The following NHLRC2 variants were observed in gnomAD, a reference collection of about 807,000 sequenced individuals.
NHLRC2 encodes NHL repeat containing 2, also known as NHL repeat-containing protein 2.
Under a neutral mutation model 68.1 loss-of-function variants are expected in NHLRC2, and 33 were observed. That is an observed-to-expected ratio of 0.48 (90% CI 0.37 to 0.65). The LOEUF is 0.65. Among genes scored for constraint, NHLRC2 ranks in the 30% least tolerant of loss-of-function variants. The probability of loss-of-function intolerance (pLI) is 0.00; values close to 1 mark genes in which losing one functional copy is unlikely to be tolerated. For missense variants in NHLRC2, 761 were observed against 853.8 expected (o/e 0.89, Z 1.35); for synonymous variants, 311 against 309.6 (o/e 1.00, Z -0.05).
chr10:113,884,135 C>A, intron 4 of NHLRC2, 116 bp from the exon 5 acceptor site: 1 of 810,912 alleles, frequency 1.2e-6, no homozygotes, highest in Non-Finnish European at 1.9e-6. Flanking sequence ...CATAATAAAA[C>A]TTTGTACTGC....
At chr10:113,860,219 G>A (rs1190780244) in intron 2 of NHLRC2, among the ~76,000 whole-genome samples, 1 of 152,016 alleles carries the variant, frequency 6.6e-6, no homozygotes, top group Non-Finnish European at 1.5e-5. Flanking sequence ...ATTACACATG[G>A]AGTTAAGAAT....
rs1211619907 is a variant in NHLRC2 at position 113,902,609 on chromosome 10, A to G, written c.1494+16A>G. 6.3e-7 allele frequency: 1 copy of G among 1,594,176 alleles called. No homozygotes were observed. Among genetic ancestry groups the G allele is most frequent in the Non-Finnish European group, 8.5e-7 (1 of 1,173,354 alleles). Reference sequence around the variant, plus strand: ...CAATCACAAGGTGAGTCGTGACAGAATTATATAATATCTTGCTTTTTGTGT... The same window carrying G: ...CAATCACAAGGTGAGTCGTGACAGAGTTATATAATATCTTGCTTTTTGTGT... On this transcript the variant is annotated intron_variant, in intron 8 of 10. Transcript: ENST00000369301.
At chr10:113,878,378 G>A (rs1444547983) in intron 3 of NHLRC2, among the ~76,000 whole-genome samples, 7 of 151,996 alleles carry the variant, frequency 4.6e-5, no homozygotes, top group Non-Finnish European at 1.0e-4. Flanking sequence ...CATTTTACTT[G>A]TATGAACTCA....
At chr10:113,881,846 T>C (rs1049843156) in intron 4 of NHLRC2, among the ~76,000 whole-genome samples, 2 of 151,814 alleles carry the variant, frequency 1.3e-5, no homozygotes, top group Middle Eastern at 3.2e-3. Context: ...ACATGACCAC[T>C]TACAGATAGT....
intron 2 of NHLRC2, among the ~76,000 whole-genome samples, chr10:113,869,003 C>G (rs1845897128): frequency 6.6e-6 from 1 of 152,126 alleles, no homozygotes; most frequent in South Asian, 2.1e-4. Flanking sequence ...ATTTGTTATA[C>G]TAGGAACAAT....
intron 5 of NHLRC2, among the ~76,000 whole-genome samples, chr10:113,896,666 T>C (rs1428253740): frequency 6.6e-6 from 1 of 151,682 alleles, no homozygotes; most frequent in Non-Finnish European, 1.5e-5. Flanking sequence ...TAAAGTGTAA[T>C]AATAATAAAT....
In NHLRC2 at chr10:113,854,882, C is replaced by T. The variant is rs1447837289; in HGVS notation, c.10C>T (p.Pro4Ser). 1.9e-6 allele frequency: 3 copies of T among 1,542,160 alleles called. No individual in the cohort carries two copies. The change falls in exon 1 of 11, where the codon CCC (proline) becomes TCC (serine). Residue 4 changes from proline to serine, a missense_variant. Transcript: ENST00000369301. Reference sequence around the variant, plus strand: ...GGAGCCCGGCGGAAACATGGCGGCGCCCGGAGGCCGGGGCCGCAGCCTCTC... The same window carrying T: ...GGAGCCCGGCGGAAACATGGCGGCGTCCGGAGGCCGGGGCCGCAGCCTCTC... The part of the protein sequence containing the change: MAA[P>S]GGRGRSLSGL...
intron 2 of NHLRC2, among the ~76,000 whole-genome samples, chr10:113,871,252 G>T (rs988717394): frequency 1.3e-4 from 20 of 151,994 alleles, no homozygotes; most frequent in Non-Finnish European, 1.2e-4. Context: ...TTGGCCTCCC[G>T]ACCTCAGGTG....
At chr10:113,877,765 T>A (rs61247084) in intron 3 of NHLRC2, among the ~76,000 whole-genome samples, 9,780 of 152,238 alleles carry the variant, frequency 0.064, 1,003 homozygotes, top group African/African-American at 0.22. Flanking sequence ...GAAATGTCTG[T>A]GTTCCTAATA....
intron 4 of NHLRC2, among the ~76,000 whole-genome samples, chr10:113,881,856 T>C (rs1564854391): frequency 6.6e-6 from 1 of 151,806 alleles, no homozygotes; most frequent in Non-Finnish European, 1.5e-5. Flanking sequence ...TTACAGATAG[T>C]CCCTGTCCCC....
chr10:113,888,191 A>G (rs1846099287), intron 5 of NHLRC2, among the ~76,000 whole-genome samples: 1 of 152,222 alleles, frequency 6.6e-6, no homozygotes, highest in Non-Finnish European at 1.5e-5. Context: ...GAAGAGGTTG[A>G]TCAAAGGGTA....
At position 113,854,982 on chromosome 10, in the gene NHLRC2, T is replaced by A. The variant is rs1254566178; in HGVS notation, c.110T>A (p.Leu37Gln). The change falls in exon 1 of 11, where the codon CTG becomes CAG. Residue 37 changes from leucine to glutamine, a missense_variant. Leu to Gln is a moderately radical substitution (Grantham distance 113, BLOSUM62 -2). Coordinates refer to ENST00000369301, the MANE Select transcript of NHLRC2 (RefSeq NM_198514.4). ...GTTACCCAGCAGGAGAAGGACAGCC[T>A]GGTCTACCAGTATCTGCAGAAGGTG... ...DAVTQQEKDS[L>Q]VYQYLQKVDG... The A allele has an allele frequency of 1.3e-6, 2 of 1,553,534 alleles. No homozygotes were observed. Among genetic ancestry groups the A allele is most frequent in the East Asian group, 2.4e-5 (1 of 41,130 alleles).
chr10:113,863,758 T>C (rs1217755891), intron 2 of NHLRC2, among the ~76,000 whole-genome samples: 1 of 152,052 alleles, frequency 6.6e-6, no homozygotes, highest in Non-Finnish European at 1.5e-5. Flanking sequence ...ACTCAAATTA[T>C]TAAAATCAGG....
intron 4 of NHLRC2, among the ~76,000 whole-genome samples, chr10:113,883,098 A>C (rs149297315): frequency 1.4e-4 from 21 of 151,890 alleles, no homozygotes; most frequent in African/African-American, 5.1e-4. Flanking sequence ...TGGGAAGTAT[A>C]AGTCCTCCCA....
chr10:113,902,697 A>T (rs1376571263), intron 8 of NHLRC2, 104 bp downstream of exon 8: 3 of 974,656 alleles, frequency 3.1e-6, no homozygotes, highest in Non-Finnish European at 4.8e-6. Flanking sequence ...AAATATAGAA[A>T]GGAGTAACAG....
At chr10:113,900,762 C>G (rs1402123504) in intron 6 of NHLRC2, among the ~76,000 whole-genome samples, 14 of 152,110 alleles carry the variant, frequency 9.2e-5, no homozygotes, top group Admixed American at 9.2e-4. Flanking sequence ...CGTGCTAAAT[C>G]CCTTTGCCTC....
In NHLRC2 at chr10:113,876,525, T is replaced by G; in HGVS notation, c.336T>G (p.Gly112=). Residue 112 remains glycine, a synonymous_variant, in exon 3 of 11, where the codon GGT becomes GGG. Coordinates refer to ENST00000369301, the MANE Select transcript of NHLRC2 (RefSeq NM_198514.4). ...ALEHTYSDKD[G]LLIIGVHSAK... is the part of the protein sequence containing the mutation. ...CATATAATTTTTTCCTTTCAGATGG[T>G]CTTCTTATTATTGGTGTTCACTCGG... is the stretch of plus-strand genomic sequence containing the variant. The G allele has an allele frequency of 6.4e-7, 1 of 1,565,930 alleles. No individual in the cohort carries two copies. The highest frequency in any genetic ancestry group is 8.7e-7 in the Non-Finnish European group (1 of 1,153,118).
rs1846373730 is a variant in NHLRC2 at position 113,915,398 on chromosome 10, A to T, written c.*6862A>T. ...TCCTCTTTAAGCAGCAACTTACCACAGGCTTGGTGGCTTTAAGTAATATAG... is the reference window on the plus strand; with the variant it reads ...TCCTCTTTAAGCAGCAACTTACCACTGGCTTGGTGGCTTTAAGTAATATAG... On this transcript the variant is annotated 3_prime_UTR_variant, in exon 11 of 11. Transcript: ENST00000369301. 2.7e-6 allele frequency: 1 copy of T among 368,414 alleles called. No homozygotes were observed. Among genetic ancestry groups the T allele is most frequent in the Non-Finnish European group, 5.3e-6 (1 of 187,694 alleles). The allele number at this position is 368,414 out of a possible 1,614,324, so 22.8% of individuals were successfully genotyped here.
intron 2 of NHLRC2, among the ~76,000 whole-genome samples, chr10:113,870,431 AT>A (rs1320993671): frequency 6.6e-6 from 1 of 152,084 alleles, no homozygotes; most frequent in Non-Finnish European, 1.5e-5. Flanking sequence ...TTCATGTAAA[AT>A]TTTATCCCAG....
Sources: allele counts gnomAD v4.1 joint callset (sites outside exome capture counted in the v4.1 genomes callset), GRCh38; gene constraint gnomAD v4.1.1; transcripts MANE v1.5; gene names NCBI Gene and HGNC (gene_info 2026-07-23, HGNC 2026-07-21).